SDK1: variants seen among roughly 807,000 people sequenced by gnomAD.
SDK1 encodes sidekick cell adhesion molecule 1.
In SDK1, 157 loss-of-function variants were observed where a neutral mutation model predicts 245.5. The observed-to-expected ratio is 0.64, with a 90% CI of 0.56 to 0.73. SDK1 has a LOEUF of 0.73. Ranked by LOEUF, SDK1 falls within the 30% of genes least tolerant of loss-of-function variation. SDK1 has a pLI of 0.00. For synonymous variants in SDK1, 1,647 were observed against 1,278.5 expected (o/e 1.29, Z -6.15); for missense variants, 3,583 against 3,002.3 (o/e 1.19, Z -4.52).
intron 12 of SDK1, among the ~76,000 whole-genome samples, chr7:3,973,369 A>G (rs1365777700): frequency 6.6e-6 from 1 of 152,236 alleles, no homozygotes; most frequent in Non-Finnish European, 1.5e-5. Flanking sequence ...TGGAAAAGAA[A>G]AACAGCACTT....
chr7:3,637,580 G>A (rs1233305750), intron 2 of SDK1, among the ~76,000 whole-genome samples: 1 of 152,082 alleles, frequency 6.6e-6, no homozygotes, highest in East Asian at 1.9e-4. Flanking sequence ...ACTTGCTGGT[G>A]GATTTTAAAA....
chr7:3,363,045 G>A (rs1332573523), intron 1 of SDK1, among the ~76,000 whole-genome samples: 2 of 152,110 alleles, frequency 1.3e-5, no homozygotes, highest in Non-Finnish European at 2.9e-5. Flanking sequence ...GCCACATCTA[G>A]GATATTGACT....
chr7:3,439,479 G>T (rs1273771235), intron 1 of SDK1, among the ~76,000 whole-genome samples: 1 of 152,132 alleles, frequency 6.6e-6, no homozygotes, highest in African/African-American at 2.4e-5. Flanking sequence ...CTAAGACTCA[G>T]TGGACAGCAA....
rs748009504 is a variant in SDK1 at position 4,086,338 on chromosome 7, T to A, written c.3324+6754T>A. On this transcript the variant is annotated intron_variant, in intron 22 of 44. Coordinates refer to ENST00000404826, the MANE Select transcript of SDK1 (RefSeq NM_152744.4). ...CAAAAACTGAGTGGCTGATACAACA[T>A]ACATGTGTCATCTTCTAGTTCTGCA... 9.8e-4 allele frequency among the ~76,000 whole-genome samples: 149 copies of A among 152,298 alleles called. 1 individual carries two copies. Among genetic ancestry groups the A allele is most frequent in the Admixed American group, 1.2e-3 (18 of 15,298 alleles).
rs370678182 is a variant in SDK1 at position 3,962,862 on chromosome 7, C to G, written c.1429+11C>G. On this transcript the variant is annotated intron_variant, in intron 9 of 44. Transcript: ENST00000404826. ...ACCTGGATGTAACCAGTGAGTACAC[C>G]CAGGCCCACAGCTACCTGACCTGGA... 1 of 1,604,554 alleles carries G rather than the reference C, an allele frequency of 6.2e-7. No homozygotes were observed. The highest frequency in any genetic ancestry group is 1.3e-5 in the African/African-American group (1 of 74,780).
rs115676970 is a variant in SDK1 at position 4,030,369 on chromosome 7, T to G, written c.2602+13017T>G. Among the ~76,000 whole-genome samples, 567 of 152,278 alleles carry G rather than the reference T, an allele frequency of 3.7e-3. 6 individuals carry two copies. Among genetic ancestry groups the G allele is most frequent in the African/African-American group, 0.013 (535 of 41,552 alleles). On this transcript the variant is annotated intron_variant, in intron 17 of 44. Transcript: ENST00000404826. ...GGGCAGAAGTTGCTCAAAGAAAGAT[T>G]TCAGTTCAGCATAAGGGAAATCCTC...
chr7:3,429,922 G>T (rs1292146482), intron 1 of SDK1, among the ~76,000 whole-genome samples: 2 of 152,158 alleles, frequency 1.3e-5, no homozygotes, highest in Non-Finnish European at 2.9e-5. Flanking sequence ...ATAGAGATGT[G>T]CATGTAAAAT....
rs564620182 is a variant in SDK1, at chr7:4,082,366, C to G, written c.3324+2782C>G. 3.4e-3 allele frequency among the ~76,000 whole-genome samples: 515 copies of G among 152,076 alleles called. 3 individuals are homozygous for G. The highest frequency in any genetic ancestry group is 0.032 in the South Asian group (152 of 4,814). On this transcript the variant is annotated intron_variant, in intron 22 of 44. Coordinates refer to ENST00000404826, the MANE Select transcript of SDK1 (RefSeq NM_152744.4). ...GCCTGGCCAACATGTGAAACCCCATCTCTACTAAAAATACAAAAATTAGCC... is the reference window on the plus strand; with the variant it reads ...GCCTGGCCAACATGTGAAACCCCATGTCTACTAAAAATACAAAAATTAGCC...
At chr7:3,779,773 A>G (rs1780672957) in intron 4 of SDK1, among the ~76,000 whole-genome samples, 1 of 151,744 alleles carries the variant, frequency 6.6e-6, no homozygotes, top group South Asian at 2.1e-4. Context: ...TCTACTGGAA[A>G]TACAAAAAAT....
At chr7:3,882,451 T>C (rs1781230619) in intron 5 of SDK1, among the ~76,000 whole-genome samples, 2 of 152,356 alleles carry the variant, frequency 1.3e-5, no homozygotes, top group Admixed American at 1.3e-4. Context: ...CATTCTTCTC[T>C]CTTTTATCAT....
chr7:3,370,774 A>G (rs753045566), intron 1 of SDK1, among the ~76,000 whole-genome samples: 29 of 152,184 alleles, frequency 1.9e-4, no homozygotes, highest in Non-Finnish European at 4.0e-4. Context: ...GACATGTTTT[A>G]AAATTCATGT....
chr7:4,161,885 T>C, intron 32 of SDK1, 29 bp downstream of exon 32: 1 of 1,587,710 alleles, frequency 6.3e-7, no homozygotes, highest in Non-Finnish European at 8.6e-7. Context: ...ACGCGCGTTT[T>C]GTCAAATGTG....
chr7:3,994,552 G>A (rs1784560932), intron 14 of SDK1, among the ~76,000 whole-genome samples: 1 of 151,516 alleles, frequency 6.6e-6, no homozygotes, highest in Non-Finnish European at 1.5e-5. Flanking sequence ...TAAGGTGGGA[G>A]GATCACTTGA....
At chr7:3,334,416 T>C (rs1780147448) in intron 1 of SDK1, among the ~76,000 whole-genome samples, 1 of 152,112 alleles carries the variant, frequency 6.6e-6, no homozygotes, top group South Asian at 2.1e-4. Flanking sequence ...GTCCTCCTGT[T>C]CTTCCCTGCC....
At chr7:3,641,264 G>A (rs986627217) in intron 3 of SDK1, among the ~76,000 whole-genome samples, 3 of 152,016 alleles carry the variant, frequency 2.0e-5, no homozygotes, top group African/African-American at 7.2e-5. Flanking sequence ...CCATAATATG[G>A]AATCTTATTC....
chr7:3,308,163 A>G (rs73044770), intron 1 of SDK1, among the ~76,000 whole-genome samples: 4,111 of 152,250 alleles, frequency 0.027, 77 homozygotes, highest in Middle Eastern at 0.041. Flanking sequence ...TAAGCCTGAA[A>G]TTTGGAGAAA....
intron 1 of SDK1, among the ~76,000 whole-genome samples, chr7:3,559,293 T>G (rs1779677750): frequency 2.0e-5 from 3 of 152,236 alleles, no homozygotes; most frequent in African/African-American, 7.2e-5. Context: ...AGCCTCATTT[T>G]GAACAGTTCT....
chr7:3,852,892 C>G (rs575242218), intron 5 of SDK1, among the ~76,000 whole-genome samples: 2 of 152,018 alleles, frequency 1.3e-5, no homozygotes, highest in South Asian at 4.2e-4. Flanking sequence ...TCACCCACCC[C>G]CAGAGTTTTT....
At chr7:3,321,276 T>C (rs1779796025) in intron 1 of SDK1, among the ~76,000 whole-genome samples, 1 of 152,216 alleles carries the variant, frequency 6.6e-6, no homozygotes, top group Non-Finnish European at 1.5e-5. Flanking sequence ...AAATCCTCTT[T>C]GATTTTGCTG....
Sources: allele counts gnomAD v4.1 joint callset (sites outside exome capture counted in the v4.1 genomes callset), GRCh38; gene constraint gnomAD v4.1.1; transcripts MANE v1.5; gene names NCBI Gene and HGNC (gene_info 2026-07-23, HGNC 2026-07-21).